The following MAGI1 variants were observed in gnomAD, a reference collection of about 807,000 sequenced individuals.
MAGI1 encodes membrane-associated guanylate kinase, WW and PDZ domain-containing protein 1.
In MAGI1, 58 loss-of-function variants were observed where a neutral mutation model predicts 139.9. The observed-to-expected ratio is 0.41, with a 90% CI of 0.34 to 0.52. The LOEUF (loss-of-function observed/expected upper bound fraction) is 0.52. MAGI1 is among the 20% of genes least tolerant of loss of function. MAGI1 has a pLI of 0.12. For synonymous variants in MAGI1, 812 were observed against 737.9 expected, an observed-to-expected ratio of 1.10 and a Z score of -1.63; for missense variants, 1,874 against 1,901.6, an observed-to-expected ratio of 0.99 and a Z score of 0.27.
chr3:65,467,205 T>A (rs1329743928), intron 5 of MAGI1, among the ~76,000 whole-genome samples: 1 of 152,210 alleles, frequency 6.6e-6, no homozygotes, highest in Non-Finnish European at 1.5e-5. Context: ...GGTTTATAAA[T>A]CCATGCTTGA....
At chr3:65,517,068 C>G (rs1292206149) in intron 2 of MAGI1, among the ~76,000 whole-genome samples, 4 of 152,132 alleles carry the variant, frequency 2.6e-5, no homozygotes, top group African/African-American at 9.7e-5. Flanking sequence ...GGATTAAAAC[C>G]CAGGTTTTCC....
intron 10 of MAGI1, among the ~76,000 whole-genome samples, chr3:65,435,325 T>C (rs1947757294): frequency 6.6e-6 from 1 of 152,188 alleles, no homozygotes; most frequent in Non-Finnish European, 1.5e-5. Context: ...AGATGAAGTG[T>C]CTAATACAGA....
intron 1 of MAGI1, among the ~76,000 whole-genome samples, chr3:65,662,972 C>G (rs11928703): frequency 0.33 from 50,156 of 151,962 alleles, 9,319 homozygotes; most frequent in East Asian, 0.59. Context: ...GTGAGCAGGG[C>G]ATGGATGGTA....
At chr3:65,490,190 C>G (rs1315936270) in intron 3 of MAGI1, among the ~76,000 whole-genome samples, 1 of 152,184 alleles carries the variant, frequency 6.6e-6, no homozygotes, top group Non-Finnish European at 1.5e-5. Flanking sequence ...TAAGCCCTTT[C>G]CAATTATTGT....
intron 1 of MAGI1, among the ~76,000 whole-genome samples, chr3:65,771,214 G>A (rs575172359): frequency 6.6e-6 from 1 of 151,812 alleles, no homozygotes; most frequent in South Asian, 2.1e-4. Context: ...GGCTAAGGCA[G>A]AAGAATCGCT....
At chr3:65,678,332 A>G (rs1478899514) in intron 1 of MAGI1, among the ~76,000 whole-genome samples, 2 of 125,612 alleles carry the variant, frequency 1.6e-5, no homozygotes, top group Non-Finnish European at 3.3e-5. Context: ...ATAAAAAAAG[A>G]AAACCTTTAA....
chr3:65,736,720 C>T (rs375086025), intron 1 of MAGI1, among the ~76,000 whole-genome samples: 1 of 152,288 alleles, frequency 6.6e-6, no homozygotes, highest in East Asian at 1.9e-4. Flanking sequence ...TCTATCCAGG[C>T]CAGCAAAGGA....
intron 1 of MAGI1, among the ~76,000 whole-genome samples, chr3:65,978,473 A>G (rs2065374983): frequency 6.6e-6 from 1 of 152,134 alleles, no homozygotes; most frequent in Non-Finnish European, 1.5e-5. Flanking sequence ...ACTGTCTCCT[A>G]GCCTAGGTGG....
intron 2 of MAGI1, among the ~76,000 whole-genome samples, chr3:65,499,432 G>C (rs1364719724): frequency 3.9e-5 from 6 of 152,136 alleles, no homozygotes; most frequent in East Asian, 1.9e-4. Context: ...GCCAGATCAC[G>C]AGGTCAGGAG....
chr3:65,631,104 C>T (rs1043653098), intron 1 of MAGI1, among the ~76,000 whole-genome samples: 1 of 152,110 alleles, frequency 6.6e-6, no homozygotes, highest in African/African-American at 2.4e-5. Context: ...TCACACAAGT[C>T]CTGAAGTAGC....
chr3:65,403,054 T>C, intron 12 of MAGI1, among the ~76,000 whole-genome samples: 1 of 152,212 alleles, frequency 6.6e-6, no homozygotes, highest in East Asian at 1.9e-4. Context: ...AGTATTACTC[T>C]TTCAAATCAG....
chr3:65,383,030 C>T (rs1943176685), intron 15 of MAGI1, among the ~76,000 whole-genome samples: 1 of 152,110 alleles, frequency 6.6e-6, no homozygotes. Flanking sequence ...CACTGAGGCC[C>T]AGGGAAGTTC....
At chr3:65,575,159 T>C (rs2081127471) in intron 2 of MAGI1, among the ~76,000 whole-genome samples, 1 of 152,006 alleles carries the variant, frequency 6.6e-6, no homozygotes, top group Non-Finnish European at 1.5e-5. Flanking sequence ...ACAAATCACA[T>C]ATCTGAAAAA....
chr3:65,767,403 G>C (rs1041942758), intron 1 of MAGI1, among the ~76,000 whole-genome samples: 1 of 151,494 alleles, frequency 6.6e-6, no homozygotes, highest in African/African-American at 2.4e-5. Context: ...CCAGGAGTTC[G>C]AGACCAGCCT....
chr3:65,701,403 C>A (rs1044512512), intron 1 of MAGI1, among the ~76,000 whole-genome samples: 2 of 152,124 alleles, frequency 1.3e-5, no homozygotes, highest in Non-Finnish European at 2.9e-5. Context: ...CAAGCATGCA[C>A]CACCACACCC....
At chr3:65,601,054 A>G (rs2082458924) in intron 2 of MAGI1, among the ~76,000 whole-genome samples, 1 of 152,204 alleles carries the variant, frequency 6.6e-6, no homozygotes, top group South Asian at 2.1e-4. Context: ...CATGGTACTT[A>G]GATCTGAGTT....
chr3:65,648,523 GTACTTGTT>G (rs1381750596), intron 1 of MAGI1, among the ~76,000 whole-genome samples: 3 of 152,126 alleles, frequency 2.0e-5, no homozygotes, highest in Non-Finnish European at 4.4e-5. Context: ...AACAAATTCA[GTACTTGTT>G]TACTGAAAAC....
In MAGI1 at chr3:65,546,843, A is replaced by C. The variant is rs184101388; in HGVS notation, c.431-53212T>G. Among the ~76,000 whole-genome samples, 13 of 152,328 alleles carry C rather than the reference A, an allele frequency of 8.5e-5. No individual in the cohort carries two copies. In the East Asian group the frequency reaches 2.5e-3, roughly 29 times the overall value. On this transcript the variant is annotated intron_variant, in intron 2 of 22. Transcript: ENST00000402939. ...AAAAAAAGTCAATGATTGCTTTGCC[A>C]AGAAAAACAGAGCCCTTACTGAACA...
chr3:65,845,262 A>G (rs79014074), intron 1 of MAGI1, among the ~76,000 whole-genome samples: 1 of 147,668 alleles, frequency 6.8e-6, no homozygotes, highest in Non-Finnish European at 1.5e-5. Context: ...AAAAAAAAAA[A>G]GAGAAGAGAA....
Sources: allele counts gnomAD v4.1 joint callset (sites outside exome capture counted in the v4.1 genomes callset), GRCh38; gene constraint gnomAD v4.1.1; transcripts MANE v1.5; gene names NCBI Gene and HGNC (gene_info 2026-07-23, HGNC 2026-07-21).